The following TLK1 variants were observed in gnomAD, a reference collection of about 807,000 sequenced individuals.
The protein encoded by TLK1 is tousled like kinase 1.
In TLK1, 24 loss-of-function variants were observed where a neutral mutation model predicts 105.3. That is an observed-to-expected ratio of 0.23 (90% CI 0.17 to 0.32). TLK1 has a LOEUF of 0.32. TLK1 is among the 10% of genes least tolerant of loss of function. The pLI is 1.00. For synonymous variants in TLK1, 321 were observed against 310.4 expected, an observed-to-expected ratio of 1.03 and a Z score of -0.36; for missense variants, 558 against 910.5, an observed-to-expected ratio of 0.61 and a Z score of 4.98.
At chr2:171,119,560 G>C (rs576290837) in intron 1 of TLK1, among the ~76,000 whole-genome samples, 2 of 152,156 alleles carry the variant, frequency 1.3e-5, no homozygotes, top group Non-Finnish European at 2.9e-5. Flanking sequence ...CCCTGGCACA[G>C]GACTATTTTG....
At chr2:171,041,013 C>G (rs915014475) in intron 11 of TLK1, among the ~76,000 whole-genome samples, 1 of 152,130 alleles carries the variant, frequency 6.6e-6, no homozygotes. Flanking sequence ...ACATGTAAGT[C>G]TAACAGATAC....
At chr2:171,081,545 G>T in intron 3 of TLK1, 1 of 780,382 alleles carries the variant, frequency 1.3e-6, no homozygotes, top group Non-Finnish European at 1.8e-6. Context: ...TTTGACTAGA[G>T]CTAAACCTAC....
intron 1 of TLK1, among the ~76,000 whole-genome samples, chr2:171,204,388 A>C (rs1227826159): frequency 2.0e-5 from 3 of 152,170 alleles, no homozygotes; most frequent in African/African-American, 7.2e-5. Flanking sequence ...AAAAGTAGCT[A>C]ATGCCATGTC....
chr2:171,008,324 G>A (rs759665464), intron 14 of TLK1, among the ~76,000 whole-genome samples: 22 of 152,082 alleles, frequency 1.4e-4, no homozygotes, highest in Non-Finnish European at 2.6e-4. Context: ...TACATGGTAC[G>A]GCCAAGAAAC....
intron 1 of TLK1, among the ~76,000 whole-genome samples, chr2:171,118,756 A>C (rs749203153): frequency 1.3e-5 from 2 of 152,232 alleles, no homozygotes; most frequent in Non-Finnish European, 2.9e-5. Flanking sequence ...ACCAGAATCC[A>C]GAATGACTTG....
chr2:171,149,900 T>C (rs1033210640), intron 1 of TLK1, among the ~76,000 whole-genome samples: 4 of 151,458 alleles, frequency 2.6e-5, no homozygotes, highest in African/African-American at 9.7e-5. Context: ...AAGTGAGACC[T>C]TGTCTCAAGA....
At chr2:171,041,390 C>T (rs1345016573) in intron 11 of TLK1, among the ~76,000 whole-genome samples, 4 of 152,192 alleles carry the variant, frequency 2.6e-5, no homozygotes, top group African/African-American at 7.2e-5. Context: ...TGTCTGACTA[C>T]AGAACCTAAA....
Position 170,993,809 on chromosome 2 carries a change from G to C in TLK1, c.2272C>G (p.Pro758Ala), listed in dbSNP as rs1375730744. The change falls in exon 21 of 21, where the codon CCC becomes GCC. Residue 758 changes from proline (P) to alanine (A), a missense_variant. This residue lies in a region of TLK1 where 27 missense variants were observed against 22.5 expected (regional missense o/e 1.20). Coordinates refer to ENST00000431350, the MANE Select transcript of TLK1 (RefSeq NM_012290.5). ...HMAGLTASPT[P>A]PSSSIITY ...TAAGTAATTATGCTTGAAGAAGGGG[G>C]TGTAGGGGATGCTGTCAGCCCAGCC... 2 of 1,609,176 alleles carry C rather than the reference G, an allele frequency of 1.2e-6. No homozygotes were observed. The highest frequency in any genetic ancestry group is 1.7e-6 in the Non-Finnish European group (2 of 1,177,706).
chr2:171,177,368 A>C (rs58441581), intron 1 of TLK1, among the ~76,000 whole-genome samples: 6,876 of 150,592 alleles, frequency 0.046, 457 homozygotes, highest in East Asian at 0.3. Context: ...GTCTCGAACT[A>C]CTAGGCTCAA....
chr2:171,196,560 T>C (rs1308155720), intron 1 of TLK1, among the ~76,000 whole-genome samples: 1 of 152,236 alleles, frequency 6.6e-6, no homozygotes, highest in Non-Finnish European at 1.5e-5. Context: ...GTTTGCCATA[T>C]ATCTATATGT....
chr2:171,067,425 T>G (rs944672024), intron 3 of TLK1, among the ~76,000 whole-genome samples: 1 of 151,948 alleles, frequency 6.6e-6, no homozygotes, highest in East Asian at 1.9e-4. Context: ...CCTCCCAAAG[T>G]GCTGGGACTA....
intron 2 of TLK1, among the ~76,000 whole-genome samples, chr2:171,112,394 A>G (rs1431309435): frequency 6.6e-6 from 1 of 152,258 alleles, no homozygotes. Flanking sequence ...CAACACTGAA[A>G]AAAGACTTTC....
At chr2:171,010,268 G>C (rs891562156) in intron 14 of TLK1, among the ~76,000 whole-genome samples, 2 of 152,098 alleles carry the variant, frequency 1.3e-5, no homozygotes, top group African/African-American at 2.4e-5. Flanking sequence ...GATGGTTTTT[G>C]TGTTTTTTCA....
rs1243982444 is a variant in TLK1 at position 170,991,819 on chromosome 2, AAACTCT to A, written c.*1955_*1960del. 2.0e-5 allele frequency: 3 copies of A among 152,232 alleles called. No individual in the cohort carries two copies. Among genetic ancestry groups the A allele is most frequent in the Non-Finnish European group, 2.9e-5 (2 of 68,024 alleles). The allele number at this position is 152,232 out of a possible 1,614,324, so 9.4% of individuals were successfully genotyped here. A position where few individuals can be genotyped will look rare whatever the true frequency, so the allele number is the denominator to read the frequency against. On this transcript the variant is annotated 3_prime_UTR_variant, in exon 21 of 21. Transcript: ENST00000431350. ...AGGACTTTATCATTCATAAAGACGA[AAACTCT>A]AACAACAAAACTGAAAACTTGCAGG...
chr2:171,039,970 T>G (rs995037913), intron 11 of TLK1, among the ~76,000 whole-genome samples: 8 of 152,022 alleles, frequency 5.3e-5, no homozygotes, highest in Non-Finnish European at 1.0e-4. Flanking sequence ...AATAAATAAA[T>G]ATGTGGATAA....
chr2:171,137,945 C>T (rs1042397021), intron 1 of TLK1, among the ~76,000 whole-genome samples: 54 of 152,026 alleles, frequency 3.6e-4, no homozygotes, highest in African/African-American at 1.2e-3. Flanking sequence ...AGGATTTATA[C>T]AACTATTCAG....
chr2:171,213,392 A>T (rs1252012081), intron 1 of TLK1, among the ~76,000 whole-genome samples: 1 of 151,672 alleles, frequency 6.6e-6, no homozygotes, highest in Non-Finnish European at 1.5e-5. Flanking sequence ...TTGTAGAGAC[A>T]GTGTTTCACA....
intron 12 of TLK1, among the ~76,000 whole-genome samples, chr2:171,021,259 A>G (rs1176968854): frequency 1.1e-5 from 1 of 94,614 alleles, no homozygotes; most frequent in Non-Finnish European, 2.5e-5. Context: ...CAAAATTTAA[A>G]TATCTGGCAC....
chr2:171,066,268 A>C (rs72878782), intron 3 of TLK1, among the ~76,000 whole-genome samples: 8,188 of 152,282 alleles, frequency 0.054, 340 homozygotes, highest in Non-Finnish European at 0.079. Flanking sequence ...ATCATCAAAT[A>C]AAAGCATTTC....
Sources: allele counts gnomAD v4.1 joint callset (sites outside exome capture counted in the v4.1 genomes callset), GRCh38; gene constraint gnomAD v4.1.1; regional missense constraint gnomAD v4.1.1; transcripts MANE v1.5; gene names NCBI Gene and HGNC (gene_info 2026-07-23, HGNC 2026-07-21).